PHYHIPL: variants seen among roughly 807,000 people sequenced by gnomAD.
PHYHIPL encodes phytanoyl-CoA 2-hydroxylase interacting protein like, also known as phytanoyl-CoA hydroxylase-interacting protein-like.
A neutral mutation model predicts 33.4 loss-of-function variants in PHYHIPL; 9 were observed. The ratio of observed to expected loss-of-function variants is 0.27; its 90% CI spans 0.16 to 0.47. The LOEUF is 0.47. Ranked by LOEUF, PHYHIPL falls within the 20% of genes least tolerant of loss-of-function variation. PHYHIPL has a pLI of 0.99. For missense variants in PHYHIPL, 365 were observed against 460.7 expected, an observed-to-expected ratio of 0.79 and a Z score of 1.90; for synonymous variants, 153 against 154.1, an observed-to-expected ratio of 0.99 and a Z score of 0.05.
At chr10:59,216,462 C>G (rs1174941195) in intron 1 of PHYHIPL, among the ~76,000 whole-genome samples, 2 of 152,016 alleles carry the variant, frequency 1.3e-5, no homozygotes, top group Non-Finnish European at 2.9e-5. Flanking sequence ...AGTCTTATGA[C>G]CTACTTCAGA....
At chr10:59,236,051 A>T (rs796429203) in intron 2 of PHYHIPL, among the ~76,000 whole-genome samples, 11 of 151,852 alleles carry the variant, frequency 7.2e-5, no homozygotes, top group African/African-American at 2.4e-4. Context: ...AGAATGTTGC[A>T]TTTTGAGGAG....
intron 1 of PHYHIPL, among the ~76,000 whole-genome samples, chr10:59,230,165 G>A (rs1035599999): frequency 1.4e-5 from 2 of 147,564 alleles, no homozygotes; most frequent in Non-Finnish European, 3.0e-5. Context: ...CTTATGATAT[G>A]TGCTTATGCA....
At chr10:59,207,549 C>A (rs1245407797) in intron 1 of PHYHIPL, among the ~76,000 whole-genome samples, 1 of 152,164 alleles carries the variant, frequency 6.6e-6, no homozygotes, top group Admixed American at 6.5e-5. Context: ...TCGCTGTAGC[C>A]AGACTACCTC....
chr10:59,197,973 A>G (rs1215183816), intron 1 of PHYHIPL, among the ~76,000 whole-genome samples: 1 of 152,122 alleles, frequency 6.6e-6, no homozygotes, highest in Admixed American at 6.6e-5. Context: ...CTCTTGTGGT[A>G]TGGAGCACAG....
Position 59,176,945 on chromosome 10 carries a change from T to G in PHYHIPL, c.92T>G (p.Leu31Arg). Residue 31 changes from leucine to arginine, a missense_variant, in exon 1 of 5, where the codon CTG becomes CGG. Physicochemically the swap from Leu to Arg is moderately radical, Grantham distance 102. Around this residue, in one of 4 missense-constraint regions of PHYHIPL, gnomAD observed 89 missense variants for 78.3 expected, o/e 1.14. Transcript: ENST00000373880. ...IKNLSLEAIQ[L>R]CDRDGNKSQD... ...AACCTCAGCCTGGAGGCCATTCAGCTGTGCGACCGGGACGGTAAGAGCGGC... is the reference window on the plus strand; with the variant it reads ...AACCTCAGCCTGGAGGCCATTCAGCGGTGCGACCGGGACGGTAAGAGCGGC... The G allele has an allele frequency of 6.2e-7, 1 of 1,613,374 alleles. No homozygotes were observed. Among genetic ancestry groups the G allele is most frequent in the South Asian group, 1.1e-5 (1 of 90,992 alleles).
chr10:59,183,791 A>G (rs1012039228), intron 1 of PHYHIPL: 7 of 436,276 alleles, frequency 1.6e-5, no homozygotes, highest in African/African-American at 4.3e-5. Flanking sequence ...GGGATTGTGC[A>G]TATACACCAT....
intron 1 of PHYHIPL, among the ~76,000 whole-genome samples, chr10:59,187,039 A>G (rs1203599145): frequency 8.6e-5 from 13 of 151,604 alleles, no homozygotes; most frequent in Middle Eastern, 3.4e-3. Flanking sequence ...CCTGTCTTGT[A>G]CCAGTTTTCA....
Position 59,246,612 on chromosome 10 carries a change from TTGA to T in PHYHIPL, c.*1025_*1027del, listed in dbSNP as rs1348514041. 2 of 397,656 alleles carry T rather than the reference TTGA, an allele frequency of 5.0e-6. No homozygotes were observed. Among genetic ancestry groups the T allele is most frequent in the African/African-American group, 4.1e-5 (2 of 48,604 alleles). The allele number at this position is 397,656 out of a possible 1,614,324, so 24.6% of individuals were successfully genotyped here. On this transcript the variant is annotated 3_prime_UTR_variant, in exon 5 of 5. Transcript: ENST00000373880. ...TAACACAAAATGATATACACTGAAG[TTGA>T]TGAAGCAAATAAATATTCTGGCTTC...
chr10:59,190,900 A>C (rs1838765372), intron 1 of PHYHIPL, among the ~76,000 whole-genome samples: 1 of 152,016 alleles, frequency 6.6e-6, no homozygotes, highest in East Asian at 1.9e-4. Flanking sequence ...TTCAGTGTAA[A>C]GGATAGTTTA....
intron 4 of PHYHIPL, among the ~76,000 whole-genome samples, chr10:59,244,631 C>CACTCATTT (rs1318520018): frequency 6.9e-6 from 1 of 144,224 alleles, no homozygotes; most frequent in Non-Finnish European, 1.5e-5. Context: ...AAATGGACAG[C>CACTCATTT]ACTCATTTTA....
At chr10:59,207,217 A>G (rs1468317888) in intron 1 of PHYHIPL, among the ~76,000 whole-genome samples, 2 of 152,142 alleles carry the variant, frequency 1.3e-5, no homozygotes, top group Non-Finnish European at 2.9e-5. Context: ...TGCATTTCCA[A>G]CTGAGATACC....
At chr10:59,210,654 T>C (rs1839415302) in intron 1 of PHYHIPL, among the ~76,000 whole-genome samples, 2 of 152,148 alleles carry the variant, frequency 1.3e-5, no homozygotes, top group Non-Finnish European at 2.9e-5. Context: ...CTGTTCACAA[T>C]AGCAAAGAGT....
At chr10:59,215,479 T>C (rs1201841183) in intron 1 of PHYHIPL, among the ~76,000 whole-genome samples, 1 of 152,032 alleles carries the variant, frequency 6.6e-6, no homozygotes, top group Non-Finnish European at 1.5e-5. Context: ...ACTGGTTCCT[T>C]TACTTAAGCA....
intron 1 of PHYHIPL, among the ~76,000 whole-genome samples, chr10:59,221,523 A>C (rs2133259025): frequency 6.6e-6 from 1 of 152,200 alleles, no homozygotes; most frequent in East Asian, 1.9e-4. Flanking sequence ...GATCACATCC[A>C]TTTAAAATTG....
At chr10:59,232,813 G>A (rs967398726) in intron 1 of PHYHIPL, among the ~76,000 whole-genome samples, 28 of 151,970 alleles carry the variant, frequency 1.8e-4, no homozygotes, top group African/African-American at 6.7e-4. Flanking sequence ...AGACAAGTGG[G>A]ACAGATTAAT....
intron 1 of PHYHIPL, among the ~76,000 whole-genome samples, chr10:59,204,112 G>A (rs918360590): frequency 3.3e-5 from 5 of 152,088 alleles, no homozygotes; most frequent in Admixed American, 6.5e-5. Flanking sequence ...AATGTATGTA[G>A]GGTTTAGGCC....
intron 1 of PHYHIPL, among the ~76,000 whole-genome samples, chr10:59,204,022 C>CATGTTGT: frequency 6.6e-6 from 1 of 152,198 alleles, no homozygotes; most frequent in South Asian, 2.1e-4. Flanking sequence ...TAAAGGATTA[C>CATGTTGT]ATGTTGTTAC....
intron 4 of PHYHIPL, among the ~76,000 whole-genome samples, chr10:59,242,871 A>AAAC (rs1283696979): frequency 6.6e-6 from 1 of 152,168 alleles, no homozygotes; most frequent in Admixed American, 6.5e-5. Context: ...AACAGAGATA[A>AAAC]AACTCACCGA....
Position 59,245,680 on chromosome 10 carries a change from C to T in PHYHIPL, c.*89C>T, listed in dbSNP as rs1385291089. The T allele has an allele frequency of 5.8e-6, 8 of 1,381,606 alleles. No individual in the cohort carries two copies. Among genetic ancestry groups the T allele is most frequent in the Non-Finnish European group, 6.8e-6 (7 of 1,023,184 alleles). The allele number at this position is 1,381,606 out of a possible 1,614,324, so 85.6% of individuals were successfully genotyped here. On this transcript the variant is annotated 3_prime_UTR_variant, in exon 5 of 5. Transcript: ENST00000373880. The stretch of plus-strand genomic sequence containing the variant: ...TCCATTTTTATCACCAGATGTTTTC[C>T]ACTGAAGCATGCACATGCCACTGTC...
Sources: gnomAD v4.1 joint callset for allele counts (sites outside exome capture counted in the v4.1 genomes callset) on GRCh38, gnomAD v4.1.1 for gene constraint, gnomAD v4.1.1 regional missense constraint, MANE v1.5 for transcripts, NCBI Gene and HGNC (gene_info 2026-07-23, HGNC 2026-07-21) for gene names.